The following ESRRG variants were observed in gnomAD, a reference collection of about 807,000 sequenced individuals.
ESRRG encodes the protein estrogen-related receptor gamma.
ESRRG carries 13 observed loss-of-function variants against 44.0 expected under a neutral mutation model. That is an observed-to-expected ratio of 0.30 (90% CI 0.19 to 0.47). The LOEUF (loss-of-function observed/expected upper bound fraction) is 0.47, where lower values mean the gene tolerates loss of function less well. Ranked by LOEUF, ESRRG falls within the 20% of genes least tolerant of loss-of-function variation. The pLI is 1.00. For synonymous variants in ESRRG, 215 were observed against 214.6 expected (o/e 1.00, Z -0.02); for missense variants, 395 against 580.6 (o/e 0.68, Z 3.29).
chr1:216,816,025 G>A (rs770406868), intron 2 of ESRRG, among the ~76,000 whole-genome samples: 3 of 152,132 alleles, frequency 2.0e-5, no homozygotes, highest in Non-Finnish European at 4.4e-5. Flanking sequence ...AAGGAACAAC[G>A]CTGCAGCTCC....
intron 1 of ESRRG, among the ~76,000 whole-genome samples, chr1:217,069,719 T>G (rs2090312938): frequency 2.6e-5 from 4 of 152,074 alleles, no homozygotes; most frequent in Admixed American, 2.6e-4. Flanking sequence ...TTCCGTCTGC[T>G]CTACAGAGTG....
At chr1:216,911,835 C>T (rs371015421) in intron 2 of ESRRG, among the ~76,000 whole-genome samples, 156 of 151,894 alleles carry the variant, frequency 1.0e-3, no homozygotes, top group Middle Eastern at 3.4e-3. Context: ...TTTGGGAGGC[C>T]GAGGCAGGTG....
intron 5 of ESRRG, among the ~76,000 whole-genome samples, chr1:216,553,672 T>C (rs2056916860): frequency 6.6e-6 from 1 of 152,154 alleles, no homozygotes; most frequent in African/African-American, 2.4e-5. Flanking sequence ...CTTTCCAAAA[T>C]ACAATGCACT....
intron 1 of ESRRG, among the ~76,000 whole-genome samples, chr1:216,942,704 G>A (rs1364091899): frequency 6.6e-6 from 1 of 151,996 alleles, no homozygotes; most frequent in Non-Finnish European, 1.5e-5. Flanking sequence ...GGTCACTTGT[G>A]TGTCTTCTTT....
At chr1:216,567,952 G>C in intron 4 of ESRRG, 36 bp downstream of exon 4, 1 of 1,384,584 alleles carries the variant, frequency 7.2e-7, no homozygotes, top group Non-Finnish European at 1.0e-6. Flanking sequence ...GGAGGATTTC[G>C]TGTTCTGGGA....
intron 2 of ESRRG, among the ~76,000 whole-genome samples, chr1:216,839,900 G>T (rs1278190264): frequency 6.6e-6 from 1 of 152,196 alleles, no homozygotes; most frequent in Admixed American, 6.5e-5. Context: ...ACCAGGCTTT[G>T]TTGTTCCATT....
At chr1:216,723,554 AGGGAGGCGAC>A (rs991676936), upstream of ESRRG, 7 of 503,880 alleles carry the variant, frequency 1.4e-5, no homozygotes, top group African/African-American at 1.4e-4. Context: ...CCCAATCAGG[AGGGAGGCGAC>A]GGGAGGCTGC....
intron 2 of ESRRG, among the ~76,000 whole-genome samples, chr1:216,660,197 C>A (rs1321409537): frequency 6.6e-6 from 1 of 152,126 alleles, no homozygotes; most frequent in Non-Finnish European, 1.5e-5. Flanking sequence ...TCACTAGAAC[C>A]TATGATTGCT....
intron 2 of ESRRG, among the ~76,000 whole-genome samples, chr1:216,735,987 A>AAAAATATATATAT (rs1453476198): frequency 7.3e-6 from 1 of 137,092 alleles, no homozygotes; most frequent in African/African-American, 2.7e-5. Context: ...CTCAAAAAAA[A>AAAAATATATATAT]ATATATATAT....
intron 1 of ESRRG, chr1:216,985,712 T>A (rs1326949977): frequency 6.6e-6 from 1 of 152,176 alleles, no homozygotes; most frequent in Non-Finnish European, 1.5e-5. Context: ...CAGTCAGGAC[T>A]GTTGGTAGCA....
intron 1 of ESRRG, among the ~76,000 whole-genome samples, chr1:216,961,725 TG>T: frequency 6.6e-6 from 1 of 152,306 alleles, no homozygotes; most frequent in East Asian, 1.9e-4. Flanking sequence ...GTGGCATTGT[TG>T]TAACATATAT....
At chr1:216,947,162 A>C (rs1156474335) in intron 1 of ESRRG, among the ~76,000 whole-genome samples, 2 of 152,122 alleles carry the variant, frequency 1.3e-5, no homozygotes, top group Non-Finnish European at 2.9e-5. Context: ...CAATCACATG[A>C]AATTCCAAGA....
At chr1:216,729,137 C>G (rs1190413735) in intron 2 of ESRRG, among the ~76,000 whole-genome samples, 1 of 152,166 alleles carries the variant, frequency 6.6e-6, no homozygotes, top group Non-Finnish European at 1.5e-5. Context: ...CAATAACAAT[C>G]TTATAGAATT....
rs1241057313 is a variant in ESRRG, at chr1:216,506,837, T to C, written c.*102A>G. ...CTAAATTATCAGTGCAGTCTGTTGA[T>C]TTTTGATGTTGTTAACTAAACTCTA... is the stretch of plus-strand genomic sequence containing the variant. On this transcript the variant is annotated 3_prime_UTR_variant, in exon 7 of 7. Coordinates refer to ENST00000408911, the MANE Select transcript of ESRRG (RefSeq NM_001438.4). The C allele has an allele frequency of 3.0e-6, 4 of 1,337,352 alleles. No homozygotes were observed. Among genetic ancestry groups the C allele is most frequent in the Non-Finnish European group, 4.1e-6 (4 of 969,358 alleles). 82.8% of individuals were successfully genotyped at this position (1,337,352 alleles called of 1,614,324 possible).
chr1:216,904,174 A>G (rs2059421453), intron 2 of ESRRG, among the ~76,000 whole-genome samples: 1 of 151,742 alleles, frequency 6.6e-6, no homozygotes, highest in Admixed American at 6.6e-5. Flanking sequence ...TACAAGTTTT[A>G]GTATGGCATT....
At chr1:216,798,900 A>G (rs1234463068) in intron 2 of ESRRG, among the ~76,000 whole-genome samples, 2 of 152,144 alleles carry the variant, frequency 1.3e-5, no homozygotes, top group African/African-American at 2.4e-5. Flanking sequence ...ATTAATTGCC[A>G]TTAATAATAC....
intron 1 of ESRRG, among the ~76,000 whole-genome samples, chr1:217,133,647 C>CTCTTTCTTTCTTTCTTTA (rs1558298395): frequency 1.8e-5 from 1 of 56,994 alleles, no homozygotes; most frequent in East Asian, 4.5e-4. Context: ...CTCTCTCTCT[C>CTCTTTCTTTCTTTCTTTA]TTTCTTTCTT....
chr1:216,986,407 T>A (rs1246754842), intron 1 of ESRRG, among the ~76,000 whole-genome samples: 2 of 152,144 alleles, frequency 1.3e-5, no homozygotes, highest in East Asian at 1.9e-4. Flanking sequence ...TCCAAACCAA[T>A]GGGTCATAGA....
chr1:217,106,784 T>C (rs532429699), intron 1 of ESRRG, among the ~76,000 whole-genome samples: 1 of 152,268 alleles, frequency 6.6e-6, no homozygotes, highest in Non-Finnish European at 1.5e-5. Flanking sequence ...ACAACCTCCT[T>C]TGCCTGACTT....
Sources: allele counts gnomAD v4.1 joint callset (sites outside exome capture counted in the v4.1 genomes callset), GRCh38; gene constraint gnomAD v4.1.1; transcripts MANE v1.5; gene names NCBI Gene and HGNC (gene_info 2026-07-23, HGNC 2026-07-21).